DOK6: variants seen among roughly 807,000 people sequenced by gnomAD.
DOK6 encodes the protein downstream of tyrosine kinase 6.
A neutral mutation model predicts 44.0 loss-of-function variants in DOK6; 22 were observed. The observed-to-expected ratio is 0.50, with a 90% CI of 0.36 to 0.71. The LOEUF (loss-of-function observed/expected upper bound fraction) is 0.71. Among genes scored for constraint, DOK6 ranks in the 30% least tolerant of loss-of-function variants. The pLI, the probability that DOK6 is intolerant of heterozygous loss-of-function variation, is 0.00. For missense variants in DOK6, 340 were observed against 416.4 expected (o/e 0.82, Z 1.60); for synonymous variants, 166 against 145.5 (o/e 1.14, Z -1.01).
At chr18:69,570,112 G>T (rs1433102871) in intron 2 of DOK6, among the ~76,000 whole-genome samples, 1 of 152,032 alleles carries the variant, frequency 6.6e-6, no homozygotes, top group Non-Finnish European at 1.5e-5. Flanking sequence ...GTACCTGAGT[G>T]ATGAAATAAT....
At chr18:69,736,258 C>A (rs773426082) in intron 5 of DOK6, among the ~76,000 whole-genome samples, 1 of 152,194 alleles carries the variant, frequency 6.6e-6, no homozygotes, top group East Asian at 1.9e-4. Context: ...TGGTTGAAAT[C>A]GGTGCCCTAG....
chr18:69,502,007 G>A (rs1159417909), intron 1 of DOK6, among the ~76,000 whole-genome samples: 2 of 152,072 alleles, frequency 1.3e-5, no homozygotes, highest in Non-Finnish European at 1.5e-5. Context: ...GTCTTCAGAA[G>A]AGCCAGGAGA....
In DOK6 at chr18:69,614,399, T is replaced by C. The variant is rs561169900; in HGVS notation, c.289+14901T>C. Among the ~76,000 whole-genome samples the C allele has an allele frequency of 3.3e-5, 5 of 152,306 alleles. No homozygotes were observed. In the South Asian group the frequency reaches 6.2e-4, roughly 19 times the overall value. The stretch of plus-strand genomic sequence containing the variant: ...TTTCATTAGCATTTTTCAGTTTTAC[T>C]GCGGCATAGTTAGCAAGTAAAAATT... On this transcript the variant is annotated intron_variant, in intron 3 of 7. Transcript: ENST00000382713.
At position 69,819,699 on chromosome 18, in the gene DOK6, A is replaced by C. The variant is rs139169723; in HGVS notation, c.857-21545A>C. Among the ~76,000 whole-genome samples the C allele has an allele frequency of 3.7e-3, 562 of 152,286 alleles. 2 individuals are homozygous for C. Among genetic ancestry groups the C allele is most frequent in the Admixed American group, 8.7e-3 (133 of 15,290 alleles). On this transcript the variant is annotated intron_variant, in intron 7 of 7. Transcript: ENST00000382713. ...CTCCTGCCCGTAGACCTTGAAAAGC[A>C]TCATTTTACCCTGTTTCTATGAGTT...
intron 2 of DOK6, among the ~76,000 whole-genome samples, chr18:69,596,210 T>C (rs1240891264): frequency 6.6e-6 from 1 of 152,076 alleles, no homozygotes; most frequent in Non-Finnish European, 1.5e-5. Context: ...CTTTAAAAGA[T>C]CCCAAATTGG....
intron 4 of DOK6, among the ~76,000 whole-genome samples, chr18:69,690,561 A>T (rs1444795044): frequency 6.6e-6 from 1 of 152,226 alleles, no homozygotes; most frequent in Non-Finnish European, 1.5e-5. Flanking sequence ...AGATAAGATT[A>T]TAAAGAACAG....
rs1980250309 is a variant in DOK6 at position 69,781,058 on chromosome 18, A to G, written c.856+23185A>G. On this transcript the variant is annotated intron_variant, in intron 7 of 7. Transcript: ENST00000382713. Reference sequence around the variant, plus strand: ...CACTGTGTCTTTGCAATCCCCACAAACAATTTCAGCTACCAAGAGAAAACA... The same window carrying G: ...CACTGTGTCTTTGCAATCCCCACAAGCAATTTCAGCTACCAAGAGAAAACA... Among the ~76,000 whole-genome samples, 4 of 152,278 alleles carry G rather than the reference A, an allele frequency of 2.6e-5. No homozygotes were observed. In the South Asian group the frequency reaches 8.3e-4, roughly 32 times the overall value.
At chr18:69,578,903 AAAT>A (rs1274180549) in intron 2 of DOK6, among the ~76,000 whole-genome samples, 4 of 152,318 alleles carry the variant, frequency 2.6e-5, no homozygotes, top group Admixed American at 6.5e-5. Flanking sequence ...CCTTTGAAAT[AAAT>A]AATAATGTTG....
At chr18:69,684,968 G>A (rs1184946399) in intron 4 of DOK6, among the ~76,000 whole-genome samples, 1 of 152,114 alleles carries the variant, frequency 6.6e-6, no homozygotes, top group Non-Finnish European at 1.5e-5. Context: ...GCATACAAAT[G>A]AGATAAGATG....
intron 7 of DOK6, among the ~76,000 whole-genome samples, chr18:69,819,040 A>G (rs957617192): frequency 2.0e-5 from 3 of 152,186 alleles, no homozygotes; most frequent in Non-Finnish European, 4.4e-5. Flanking sequence ...TACTGTTATT[A>G]TTTTTTGCTA....
intron 1 of DOK6, among the ~76,000 whole-genome samples, chr18:69,443,229 T>C (rs1979185422): frequency 6.6e-6 from 1 of 152,150 alleles, no homozygotes; most frequent in African/African-American, 2.4e-5. Flanking sequence ...AGAAAGATTT[T>C]AGTGTTTGAA....
intron 5 of DOK6, among the ~76,000 whole-genome samples, chr18:69,706,619 C>T (rs1336318270): frequency 1.3e-5 from 2 of 151,050 alleles, no homozygotes; most frequent in Admixed American, 6.6e-5. Flanking sequence ...TGCTATGCTG[C>T]ACCCATTAAC....
chr18:69,708,525 G>A (rs7229553), intron 5 of DOK6, among the ~76,000 whole-genome samples: 27,529 of 152,076 alleles, frequency 0.18, 2,630 homozygotes, highest in South Asian at 0.21. Context: ...GGTGGCTCAC[G>A]CCCGTAATCC....
intron 7 of DOK6, among the ~76,000 whole-genome samples, chr18:69,770,840 C>A (rs1461960027): frequency 4.6e-5 from 7 of 151,954 alleles, no homozygotes; most frequent in Admixed American, 4.6e-4. Flanking sequence ...CTATTTCTTA[C>A]ACTTTCCACT....
chr18:69,526,702 T>A (rs1240844823), intron 1 of DOK6, among the ~76,000 whole-genome samples: 1 of 152,204 alleles, frequency 6.6e-6, no homozygotes, highest in East Asian at 1.9e-4. Flanking sequence ...ACATACTTAG[T>A]GTGATTTCAG....
At chr18:69,569,783 A>T (rs796953909) in intron 2 of DOK6, among the ~76,000 whole-genome samples, 6 of 152,320 alleles carry the variant, frequency 3.9e-5, no homozygotes, top group African/African-American at 1.4e-4. Flanking sequence ...TCGCAACACT[A>T]TTCACAATAC....
chr18:69,812,503 T>G (rs899853594), intron 7 of DOK6, among the ~76,000 whole-genome samples: 3 of 152,034 alleles, frequency 2.0e-5, no homozygotes, highest in Admixed American at 6.6e-5. Context: ...CTCCCAAGGA[T>G]CTGAAGGCAA....
chr18:69,539,705 A>G (rs1038341265), intron 1 of DOK6, among the ~76,000 whole-genome samples: 1 of 152,172 alleles, frequency 6.6e-6, no homozygotes, highest in African/African-American at 2.4e-5. Context: ...GTTTTGCTAT[A>G]TGAACAATTC....
rs532664082 is a variant in DOK6, at chr18:69,525,026, TA to T, written c.67-39456del. Among the ~76,000 whole-genome samples, 183 of 151,942 alleles carry T rather than the reference TA, an allele frequency of 1.2e-3. 1 individual carries two copies. Among genetic ancestry groups the T allele is most frequent in the African/African-American group, 4.2e-3 (175 of 41,546 alleles). On this transcript the variant is annotated intron_variant, in intron 1 of 7. Coordinates refer to ENST00000382713, the MANE Select transcript of DOK6 (RefSeq NM_152721.6). ...TCTTGTATTAGTATATAAATGAATA[TA>T]AAAATATTTTCTGAATTTAATCCAA...
Sources: allele counts gnomAD v4.1 joint callset (sites outside exome capture counted in the v4.1 genomes callset), GRCh38; gene constraint gnomAD v4.1.1; transcripts MANE v1.5; gene names NCBI Gene and HGNC (gene_info 2026-07-23, HGNC 2026-07-21).